CLNK: variants seen among roughly 807,000 people sequenced by gnomAD.
The protein encoded by CLNK is cytokine dependent hematopoietic cell linker, also known as cytokine-dependent hematopoietic cell linker.
A neutral mutation model predicts 68.6 loss-of-function variants in CLNK; 74 were observed. The observed-to-expected ratio is 1.08, with a 90% CI of 0.89 to 1.31. The LOEUF (loss-of-function observed/expected upper bound fraction) is 1.31. Ranked by LOEUF, CLNK falls within the 50% of genes most tolerant of loss-of-function variation. The pLI is 0.00. For missense variants in CLNK, 553 were observed against 515.3 expected, an observed-to-expected ratio of 1.07 and a Z score of -0.71; for synonymous variants, 198 against 172.2, an observed-to-expected ratio of 1.15 and a Z score of -1.17.
At chr4:10,622,461 G>A (rs960756344) in intron 2 of CLNK, among the ~76,000 whole-genome samples, 29 of 152,202 alleles carry the variant, frequency 1.9e-4, no homozygotes, top group Admixed American at 1.6e-3. Context: ...AACAACTCAT[G>A]GCTAACTGCA....
chr4:10,689,984 G>C, the CLNK span, among the ~76,000 whole-genome samples: 1 of 151,862 alleles, frequency 6.6e-6, no homozygotes, highest in Non-Finnish European at 1.5e-5. Context: ...GTTTCACAAC[G>C]TGCTAAAACT....
chr4:10,504,751 A>G (rs768867179), intron 17 of CLNK, among the ~76,000 whole-genome samples: 2 of 152,216 alleles, frequency 1.3e-5, no homozygotes, highest in Non-Finnish European at 2.9e-5. Context: ...GTCCTCTTAA[A>G]CTCTGAAACG....
intron 8 of CLNK, among the ~76,000 whole-genome samples, chr4:10,557,161 C>G (rs1719708000): frequency 6.6e-6 from 1 of 151,986 alleles, no homozygotes; most frequent in Non-Finnish European, 1.5e-5. Flanking sequence ...GTCACACAGC[C>G]AGGGAGTGTG....
rs73226464 is a variant in CLNK, at chr4:10,533,579, G to T, written c.603-1296C>A. 6.2e-3 allele frequency among the ~76,000 whole-genome samples: 946 copies of T among 152,304 alleles called. 4 individuals are homozygous for T. The highest frequency in any genetic ancestry group is 7.5e-3 in the Non-Finnish European group (513 of 68,030). Reference sequence around the variant, plus strand: ...CAGGCAACTGTACCAAGGTTCCACGGTTTTAGCCTCTTACATCTTACCCCC... The same window carrying T: ...CAGGCAACTGTACCAAGGTTCCACGTTTTTAGCCTCTTACATCTTACCCCC... On this transcript the variant is annotated intron_variant, in intron 11 of 18. Coordinates refer to ENST00000226951, the MANE Select transcript of CLNK (RefSeq NM_052964.4).
intron 16 of CLNK, among the ~76,000 whole-genome samples, chr4:10,510,169 G>A (rs1717512946): frequency 6.6e-6 from 1 of 152,196 alleles, no homozygotes; most frequent in African/African-American, 2.4e-5. Flanking sequence ...GCTGGTGAGT[G>A]TGGCTGGTGA....
chr4:10,547,405 G>A (rs922941690), intron 8 of CLNK, among the ~76,000 whole-genome samples: 4 of 152,154 alleles, frequency 2.6e-5, no homozygotes, highest in South Asian at 2.1e-4. Flanking sequence ...CAACACCACC[G>A]TCAAGGCCAT....
intron 2 of CLNK, among the ~76,000 whole-genome samples, chr4:10,641,845 C>T (rs181579870): frequency 2.0e-5 from 3 of 152,288 alleles, no homozygotes; most frequent in Admixed American, 2.0e-4. Flanking sequence ...TTCCCCCATA[C>T]TGTTCTCATG....
intron 3 of CLNK, among the ~76,000 whole-genome samples, chr4:10,592,307 CA>C (rs143805516): frequency 0.041 from 6,237 of 152,178 alleles, 184 homozygotes; most frequent in Middle Eastern, 0.099. Context: ...TATTAAAAAA[CA>C]AAAACAAAAA....
In CLNK at chr4:10,505,374, G is replaced by A. The variant is rs539297052; in HGVS notation, c.984+2585C>T. On this transcript the variant is annotated intron_variant, in intron 17 of 18. Coordinates refer to ENST00000226951, the MANE Select transcript of CLNK (RefSeq NM_052964.4). ...TTCTCTGCTTTATGACCAACACATT[G>A]GCTTAGCCTCAGTTTCCTCATCTGG... Among the ~76,000 whole-genome samples the A allele has an allele frequency of 5.3e-5, 8 of 152,258 alleles. No individual in the cohort carries two copies. In the South Asian group the frequency reaches 1.7e-3, roughly 32 times the overall value.
At chr4:10,703,844 G>GTAATAA in the CLNK span, among the ~76,000 whole-genome samples, 7 of 152,246 alleles carry the variant, frequency 4.6e-5, no homozygotes, top group East Asian at 7.7e-4. Context: ...AAAAGGTACA[G>GTAATAA]TAATAATACA....
intron 11 of CLNK, among the ~76,000 whole-genome samples, chr4:10,534,851 A>G (rs1380387456): frequency 6.6e-6 from 1 of 152,218 alleles, no homozygotes; most frequent in Non-Finnish European, 1.5e-5. Flanking sequence ...GAAAACAATA[A>G]TAATGATGTT....
chr4:10,685,596 T>C (rs928889163), upstream of CLNK, among the ~76,000 whole-genome samples: 1 of 152,176 alleles, frequency 6.6e-6, no homozygotes, highest in Non-Finnish European at 1.5e-5. Flanking sequence ...TTGAATTCCA[T>C]AACAAACTCC....
intron 8 of CLNK, among the ~76,000 whole-genome samples, chr4:10,553,960 T>C (rs1719564622): frequency 6.6e-6 from 1 of 152,186 alleles, no homozygotes; most frequent in South Asian, 2.1e-4. Context: ...GGGAAGGTGG[T>C]GAGGCTCTTG....
intron 18 of CLNK, 42 bp downstream of exon 18, chr4:10,501,214 T>G (rs1218850939): frequency 3.3e-6 from 5 of 1,513,564 alleles, no homozygotes; most frequent in Non-Finnish European, 4.4e-6. Context: ...CTTTATTTGT[T>G]GCGCTTAGCC....
chr4:10,722,082 G>A, the CLNK span, among the ~76,000 whole-genome samples: 1 of 152,158 alleles, frequency 6.6e-6, no homozygotes, highest in African/African-American at 2.4e-5. Flanking sequence ...GCTGAAGTGG[G>A]AGGATTGTTT....
In CLNK at chr4:10,513,543, C is replaced by T; in HGVS notation, c.827G>A (p.Ser276Asn). ...CSPQRCQPPASCSPHENILPY... is the reference protein window; with the variant it reads ...CSPQRCQPPANCSPHENILPY... ...CAGTATATTTTCGTGAGGGCTGCAGCTGGCTGGAGGCTGGCATCTCTGAGG... is the reference window on the plus strand; with the variant it reads ...CAGTATATTTTCGTGAGGGCTGCAGTTGGCTGGAGGCTGGCATCTCTGAGG... The change falls in exon 16 of 19, where the codon AGC (serine) becomes AAC (asparagine). Residue 276 changes from serine to asparagine, a missense_variant. Transcript: ENST00000226951. The T allele has an allele frequency of 6.2e-7, 1 of 1,609,482 alleles. No individual in the cohort carries two copies. Among genetic ancestry groups the T allele is most frequent in the Non-Finnish European group, 8.5e-7 (1 of 1,177,788 alleles).
intron 2 of CLNK, among the ~76,000 whole-genome samples, chr4:10,662,835 T>A (rs1006050698): frequency 1.3e-5 from 2 of 152,250 alleles, no homozygotes; most frequent in African/African-American, 4.8e-5. Flanking sequence ...TTGTATATTT[T>A]CTAAAATTTC....
chr4:10,636,358 G>C (rs1029924957), intron 2 of CLNK, among the ~76,000 whole-genome samples: 1 of 152,114 alleles, frequency 6.6e-6, no homozygotes, highest in African/African-American at 2.4e-5. Context: ...GCCATGTAAC[G>C]ATAGAGGCAG....
At chr4:10,608,325 G>T (rs151235063) in intron 2 of CLNK, among the ~76,000 whole-genome samples, 1 of 152,120 alleles carries the variant, frequency 6.6e-6, no homozygotes, top group South Asian at 2.1e-4. Context: ...CAGTCTCCTC[G>T]GCCTGCTAGG....
Sources: gnomAD v4.1 joint callset for allele counts (sites outside exome capture counted in the v4.1 genomes callset) on GRCh38, gnomAD v4.1.1 for gene constraint, MANE v1.5 for transcripts, NCBI Gene and HGNC (gene_info 2026-07-23, HGNC 2026-07-21) for gene names.